The following TRHDE variants were observed in gnomAD, a reference collection of about 807,000 sequenced individuals.
The protein encoded by TRHDE is thyrotropin releasing hormone degrading enzyme.
TRHDE carries 72 observed loss-of-function variants against 125.7 expected under a neutral mutation model. That is an observed-to-expected ratio of 0.57 (90% confidence interval 0.47 to 0.70). The LOEUF is 0.70. Among genes scored for constraint, TRHDE ranks in the 30% least tolerant of loss-of-function variants. The probability of loss-of-function intolerance (pLI) is 0.00; values close to 1 mark genes in which losing one functional copy is unlikely to be tolerated. For synonymous variants in TRHDE, 509 were observed against 509.1 expected (o/e 1.00, Z 0.00); for missense variants, 1,110 against 1,327.1 (o/e 0.84, Z 2.54).
chr12:72,394,645 GGC>G (rs1022206694), intron 3 of TRHDE, among the ~76,000 whole-genome samples: 1 of 152,154 alleles, frequency 6.6e-6, no homozygotes, highest in African/African-American at 2.4e-5. Context: ...CCTGAAACTT[GGC>G]TATATGTTGA....
At chr12:72,332,100 C>T (rs1477123651) in intron 2 of TRHDE, among the ~76,000 whole-genome samples, 1 of 151,976 alleles carries the variant, frequency 6.6e-6, no homozygotes, top group Non-Finnish European at 1.5e-5. Context: ...CAGTGTATCC[C>T]ATGGTGAGAG....
intron 2 of TRHDE, among the ~76,000 whole-genome samples, chr12:72,330,246 T>C (rs553073130): frequency 1.3e-5 from 2 of 151,984 alleles, no homozygotes; most frequent in African/African-American, 4.8e-5. Flanking sequence ...GTTTTACTGT[T>C]CTGCTGTTAA....
chr12:72,123,717 T>G (rs1222551423), intron 2 of TRHDE, among the ~76,000 whole-genome samples: 1 of 152,140 alleles, frequency 6.6e-6, no homozygotes, highest in Admixed American at 6.6e-5. Context: ...ACTTCTGAAA[T>G]GGATAATTTG....
In TRHDE at chr12:72,218,129, TTA is replaced by T. The variant is rs1207396985; in HGVS notation, n.279+112380_279+112381del. Among the ~76,000 whole-genome samples, 10 of 152,150 alleles carry T rather than the reference TTA, an allele frequency of 6.6e-5. No individual in the cohort carries two copies. In the East Asian group the frequency reaches 1.9e-3, roughly 29 times the overall value. ...GTTCAAATAAAGATACTAATGTGAG[TTA>T]TAGATAATATAGGCACAGAAAAAAT... On this transcript the variant is annotated intron_variant and non_coding_transcript_variant, in intron 2 of 4. Transcript: ENST00000548156.
At chr12:72,594,972 A>C (rs1871865006) in intron 12 of TRHDE, among the ~76,000 whole-genome samples, 1 of 151,714 alleles carries the variant, frequency 6.6e-6, no homozygotes, top group South Asian at 2.1e-4. Flanking sequence ...AGGGACATGG[A>C]TGAAATTGGA....
At chr12:72,312,841 A>C (rs1009899602) in intron 2 of TRHDE, among the ~76,000 whole-genome samples, 3 of 152,064 alleles carry the variant, frequency 2.0e-5, no homozygotes, top group Non-Finnish European at 4.4e-5. Context: ...TACCTCCACT[A>C]TTTTTCCCCT....
intron 1 of TRHDE, among the ~76,000 whole-genome samples, chr12:72,091,565 C>A (rs1384345477): frequency 1.3e-5 from 2 of 152,094 alleles, no homozygotes; most frequent in Admixed American, 1.3e-4. Context: ...GCCCAAGCAC[C>A]CTTTTACAAG....
intron 2 of TRHDE, among the ~76,000 whole-genome samples, chr12:72,176,957 T>C (rs148800426): frequency 6.6e-6 from 1 of 150,888 alleles, no homozygotes; most frequent in Non-Finnish European, 1.5e-5. Context: ...TTTTTTTGTG[T>C]TTTTTTTTCC....
intron 2 of TRHDE, among the ~76,000 whole-genome samples, chr12:72,352,940 C>T (rs11179166): frequency 0.056 from 8,378 of 150,938 alleles, 451 homozygotes; most frequent in African/African-American, 0.13. Flanking sequence ...GAATTTGTAC[C>T]TCTTCTGTAC....
At chr12:72,489,851 G>A (rs1411771217) in intron 5 of TRHDE, among the ~76,000 whole-genome samples, 1 of 151,732 alleles carries the variant, frequency 6.6e-6, no homozygotes, top group African/African-American at 2.4e-5. Context: ...ACTCAAAATG[G>A]GTAAGACCTA....
intron 2 of TRHDE, among the ~76,000 whole-genome samples, chr12:72,295,047 C>G (rs1254043662): frequency 6.6e-6 from 1 of 150,762 alleles, no homozygotes; most frequent in Non-Finnish European, 1.5e-5. Flanking sequence ...CCTGGGCCCC[C>G]AAAAGTGCAG....
Position 72,562,991 on chromosome 12 carries a change from A to G in TRHDE, c.1993A>G (p.Ile665Val), listed in dbSNP as rs753117665. Reference protein sequence around the residue: ...NRIIITQQHFIYDISAKTKAL... With the variant: ...NRIIITQQHFVYDISAKTKAL... ...AATAATAATTACCCAACAGCATTTT[A>G]TCTATGATATCAGTGCTAAAACTAA... is the stretch of plus-strand genomic sequence containing the variant. The change falls in exon 9 of 19, where the codon ATC (isoleucine) becomes GTC (valine). Residue 665 changes from isoleucine (I) to valine (V), a missense_variant. Physicochemically the swap from Ile to Val is conservative, Grantham distance 29 (BLOSUM62 3). Coordinates refer to ENST00000261180, the MANE Select transcript of TRHDE (RefSeq NM_013381.3). 1 of 1,609,094 alleles carries G rather than the reference A, an allele frequency of 6.2e-7. No individual in the cohort carries two copies. Among genetic ancestry groups the G allele is most frequent in the Non-Finnish European group, 8.5e-7 (1 of 1,177,914 alleles).
rs1875067659 is a variant in TRHDE at position 72,665,134 on chromosome 12, A to G, written c.*1939A>G. ...ATATCACACTGCGATGGAGGTCCCA[A>G]ATATGTGGTCTATCACCACTGAATT... On this transcript the variant is annotated 3_prime_UTR_variant, in exon 19 of 19. Coordinates refer to ENST00000261180, the MANE Select transcript of TRHDE (RefSeq NM_013381.3). The G allele has an allele frequency of 6.6e-6, 1 of 152,026 alleles. No individual in the cohort carries two copies. The highest frequency in any genetic ancestry group is 1.5e-5 in the Non-Finnish European group (1 of 67,942). The allele number at this position is 152,026 out of a possible 1,614,324, so 9.4% of individuals were successfully genotyped here. A position where few individuals can be genotyped will look rare whatever the true frequency, so the allele number is the denominator to read the frequency against.
At position 72,667,077 on chromosome 12, in the gene TRHDE, G is replaced by A. The variant is rs1414305317; in HGVS notation, c.*3882G>A. On this transcript the variant is annotated 3_prime_UTR_variant, in exon 19 of 19. Coordinates refer to ENST00000261180, the MANE Select transcript of TRHDE (RefSeq NM_013381.3). ...TCTATAAATCTATGCAGATTAAGTT[G>A]TGAAAAACAATGCAATTTTAGTACT... 1 of 151,852 alleles carries A rather than the reference G, an allele frequency of 6.6e-6. No homozygotes were observed. Among genetic ancestry groups the A allele is most frequent in the African/African-American group, 2.4e-5 (1 of 41,402 alleles). 9.4% of individuals were successfully genotyped at this position (151,852 alleles called of 1,614,324 possible).
intron 2 of TRHDE, among the ~76,000 whole-genome samples, chr12:72,317,127 A>T (rs1868840781): frequency 6.6e-6 from 1 of 152,156 alleles, no homozygotes; most frequent in South Asian, 2.1e-4. Flanking sequence ...AGACAGTCTT[A>T]GAAAGTTAAA....
chr12:72,318,039 A>G (rs1482033954), intron 2 of TRHDE, among the ~76,000 whole-genome samples: 3 of 152,196 alleles, frequency 2.0e-5, no homozygotes, highest in African/African-American at 7.2e-5. Flanking sequence ...AATTATGACT[A>G]GAGGCAGTAC....
intron 6 of TRHDE, among the ~76,000 whole-genome samples, chr12:72,499,890 G>A (rs532414470): frequency 2.3e-4 from 35 of 152,116 alleles, no homozygotes; most frequent in South Asian, 1.2e-3. Flanking sequence ...TTGGAGACTC[G>A]ATATGAAATT....
intron 2 of TRHDE, among the ~76,000 whole-genome samples, chr12:72,165,485 G>A (rs1256778618): frequency 5.9e-5 from 9 of 152,024 alleles, no homozygotes; most frequent in Admixed American, 2.0e-4. Flanking sequence ...AGGCTTATAG[G>A]TTCTAGTGAG....
intron 3 of TRHDE, among the ~76,000 whole-genome samples, chr12:72,419,579 A>T (rs1873868843): frequency 6.6e-6 from 1 of 152,182 alleles, no homozygotes; most frequent in Non-Finnish European, 1.5e-5. Flanking sequence ...ATGAAAAATC[A>T]TTCACTATCT....
Sources: allele counts gnomAD v4.1 joint callset (sites outside exome capture counted in the v4.1 genomes callset), GRCh38; gene constraint gnomAD v4.1.1; transcripts MANE v1.5; gene names NCBI Gene and HGNC (gene_info 2026-07-23, HGNC 2026-07-21).